The following FLYWCH1 variants were observed in gnomAD, a reference collection of about 807,000 sequenced individuals.
FLYWCH1 encodes FLYWCH-type zinc finger 1, also known as FLYWCH-type zinc finger-containing protein 1.
In FLYWCH1, 75 loss-of-function variants were observed where a neutral mutation model predicts 66.4. The ratio of observed to expected loss-of-function variants is 1.13; its 90% confidence interval spans 0.94 to 1.37. The LOEUF (loss-of-function observed/expected upper bound fraction) is 1.37. FLYWCH1 is among the 40% of genes most tolerant of loss of function. The pLI, the probability that FLYWCH1 is intolerant of heterozygous loss-of-function variation, is 0.00. For synonymous variants in FLYWCH1, 595 were observed against 429.9 expected (o/e 1.38, Z -4.75); for missense variants, 1,334 against 1,001.8 (o/e 1.33, Z -4.48).
At chr16:2,922,574 C>T in intron 2 of FLYWCH1, 2 of 321,904 alleles carry the variant, frequency 6.2e-6, no homozygotes, top group South Asian at 2.6e-5. Flanking sequence ...TGTTTGTCCC[C>T]TTGTGCCTGG....
chr16:2,933,656 G>T, intron 5 of FLYWCH1, 60 bp from the exon 6 acceptor site: 2 of 1,566,416 alleles, frequency 1.3e-6, no homozygotes, highest in East Asian at 2.3e-5. Context: ...AGGGAAGGGG[G>T]TGCGATCAGG....
chr16:2,934,060 TC>T (rs1284452714), intron 6 of FLYWCH1, 81 bp downstream of exon 6: 47 of 1,411,136 alleles, frequency 3.3e-5, no homozygotes, highest in African/African-American at 1.7e-4. Flanking sequence ...ATGCTGCGGC[TC>T]CCCCTGGCAA....
chr16:2,923,148 C>T, intron 2 of FLYWCH1: 1 of 387,208 alleles, frequency 2.6e-6, no homozygotes, highest in Non-Finnish European at 4.9e-6. Flanking sequence ...CCTTTCAACG[C>T]TGCCGCCTTG....
At chr16:2,933,693 G>A (rs1192866819) in intron 5 of FLYWCH1, 23 bp from the exon 6 acceptor site, 3 of 1,603,578 alleles carry the variant, frequency 1.9e-6, no homozygotes, top group South Asian at 2.2e-5. Context: ...CCCCTCCCCT[G>A]ACTGCCTCTT....
intron 4 of FLYWCH1, 91 bp from the exon 5 acceptor site, chr16:2,933,039 G>A (rs2070826007): frequency 8.7e-7 from 1 of 1,147,542 alleles, no homozygotes. Flanking sequence ...AAAGGAGAAA[G>A]GCTCGTGTCA....
At chr16:2,939,367 A>T (rs541553675) in intron 8 of FLYWCH1, among the ~76,000 whole-genome samples, 1 of 152,124 alleles carries the variant, frequency 6.6e-6, no homozygotes, top group Admixed American at 6.5e-5. Context: ...GAGGCAGGAG[A>T]ATCACTTGAA....
rs1022803993 is a variant in FLYWCH1 at position 2,934,140 on chromosome 16, CT to C, written c.1513+162del. Among the ~76,000 whole-genome samples, 5 of 152,168 alleles carry C rather than the reference CT, an allele frequency of 3.3e-5. No individual in the cohort carries two copies. In the East Asian group the frequency reaches 5.8e-4, roughly 18 times the overall value. On this transcript the variant is annotated intron_variant, in intron 6 of 9. Coordinates refer to ENST00000253928, the MANE Select transcript of FLYWCH1 (RefSeq NM_001308068.2). ...CCTGGCCTCCTACTCCTTGGCCCCC[CT>C]GATGCCGCTTTCAATGGGTCTCACC... is the stretch of plus-strand genomic sequence containing the variant.
chr16:2,915,827 A>G (rs916118940), intron 2 of FLYWCH1, among the ~76,000 whole-genome samples: 1 of 152,138 alleles, frequency 6.6e-6, no homozygotes, highest in Admixed American at 6.5e-5. Flanking sequence ...AGAGAATCCA[A>G]AGAAGAATCT....
chr16:2,940,424 C>A (rs1279360143), intron 9 of FLYWCH1, among the ~76,000 whole-genome samples: 1 of 152,184 alleles, frequency 6.6e-6, no homozygotes, highest in African/African-American at 2.4e-5. Context: ...CACAGCCAGG[C>A]CATAAAGCAA....
chr16:2,930,352 T>C, intron 3 of FLYWCH1, 58 bp from the exon 4 acceptor site: 1 of 1,118,160 alleles, frequency 8.9e-7, no homozygotes, highest in East Asian at 2.7e-5. Context: ...TGGCTCTCTG[T>C]GCCTGCGACC....
At chr16:2,915,855 G>A (rs113855655) in intron 2 of FLYWCH1, among the ~76,000 whole-genome samples, 5,578 of 152,006 alleles carry the variant, frequency 0.037, 150 homozygotes, top group Middle Eastern at 0.079. Flanking sequence ...TCTAGATCAG[G>A]AATATTGAAA....
intron 8 of FLYWCH1, among the ~76,000 whole-genome samples, chr16:2,939,175 G>C (rs1402436121): frequency 6.6e-6 from 1 of 152,206 alleles, no homozygotes; most frequent in Admixed American, 6.5e-5. Context: ...GCCAGGCACA[G>C]TGGCTCACGC....
chr16:2,917,230 ATTTT>A (rs112053820), intron 2 of FLYWCH1, among the ~76,000 whole-genome samples: 1 of 131,682 alleles, frequency 7.6e-6, no homozygotes. Context: ...CTTGTTAATA[ATTTT>A]TTTTTTTTTT....
At position 2,933,561 on chromosome 16, in the gene FLYWCH1, C is replaced by T; in HGVS notation, c.1228C>T (p.Gln410Ter). ...PTQPEAPDEH[Q>*]DMDADPGGPE... ...CCAGCCCGAGGCCCCAGACGAGCAC[C>T]AGGACATGGACGCAGACCCGGGTGA... Residue 410 changes from glutamine to a stop codon, truncating the protein, a stop_gained, in exon 5 of 10, where the codon CAG (glutamine) becomes TAG (stop). Coordinates refer to ENST00000253928, the MANE Select transcript of FLYWCH1 (RefSeq NM_001308068.2). LOFTEE classifies it high-confidence loss of function. 6.2e-7 allele frequency: 1 copy of T among 1,601,622 alleles called. No homozygotes were observed. The highest frequency in any genetic ancestry group is 8.5e-7 in the Non-Finnish European group (1 of 1,173,696).
chr16:2,940,015 C>A lies in FLYWCH1; in HGVS notation c.2051-17C>A. On this transcript the variant is annotated splice_polypyrimidine_tract_variant and intron_variant, in intron 8 of 9. Transcript: ENST00000253928. ...GAGAAGAATTATTAATTCATATTTT[C>A]AATTATTTTTCCACAGAAAAGATTC... is the stretch of plus-strand genomic sequence containing the variant. 1 of 1,593,976 alleles carries A rather than the reference C, an allele frequency of 6.3e-7. No individual in the cohort carries two copies. The highest frequency in any genetic ancestry group is 1.1e-5 in the South Asian group (1 of 88,226).
chr16:2,918,147 C>CTTTTTTTTTTT (rs35609623), intron 2 of FLYWCH1, among the ~76,000 whole-genome samples: 1 of 103,752 alleles, frequency 9.6e-6, no homozygotes, highest in Non-Finnish European at 1.9e-5. Flanking sequence ...CCTTGGATTC[C>CTTTTTTTTTTT]TTTTTTTTTT....
At chr16:2,936,897 C>A (rs1257292266) in intron 6 of FLYWCH1, 1 of 665,948 alleles carries the variant, frequency 1.5e-6, no homozygotes, top group Non-Finnish European at 2.7e-6. Context: ...TTGGCCGCCA[C>A]CTGCAGGGGC....
chr16:2,934,021 C>T, intron 6 of FLYWCH1, 42 bp downstream of exon 6: 1 of 1,480,930 alleles, frequency 6.8e-7, no homozygotes, highest in Middle Eastern at 2.2e-4. Flanking sequence ...AGGAAGCAGG[C>T]AGGAGCCCCA....
Position 2,930,768 on chromosome 16 carries a change from C to T in FLYWCH1, c.684C>T (p.Pro228=), listed in dbSNP as rs562925659. Residue 228 remains proline (P), a synonymous_variant, in exon 4 of 10, where the codon CCC becomes CCT. Coordinates refer to ENST00000253928, the MANE Select transcript of FLYWCH1 (RefSeq NM_001308068.2). ...GVGPWQCPEE[P]EPTPGLVLSK... ...GCCCGTGGCAGTGCCCTGAGGAGCC[C>T]GAGCCCACTCCTGGGCTGGTGCTGA... The T allele has an allele frequency of 3.2e-5, 51 of 1,580,288 alleles. No homozygotes were observed. Among genetic ancestry groups the T allele is most frequent in the South Asian group, 2.0e-4 (17 of 86,590 alleles).
Sources: allele counts gnomAD v4.1 joint callset (sites outside exome capture counted in the v4.1 genomes callset), GRCh38; gene constraint gnomAD v4.1.1; transcripts MANE v1.5; gene names NCBI Gene and HGNC (gene_info 2026-07-23, HGNC 2026-07-21).